The following LCTL variants were observed in gnomAD, a reference collection of about 807,000 sequenced individuals.
LCTL encodes the protein lactase like.
LCTL carries 76 observed loss-of-function variants against 75.8 expected under a neutral mutation model. That is an observed-to-expected ratio of 1.00 (90% CI 0.83 to 1.21). LCTL has a LOEUF of 1.21. LCTL is among the 50% of genes most tolerant of loss of function. The probability of loss-of-function intolerance (pLI) is 0.00; values close to 1 mark genes in which losing one functional copy is unlikely to be tolerated. For missense variants in LCTL, 670 were observed against 712.4 expected (o/e 0.94, Z 0.68); for synonymous variants, 271 against 268.8 (o/e 1.01, Z -0.08).
In LCTL at chr15:66,553,956, G is replaced by C. The variant is rs534719090; in HGVS notation, c.923-698C>G. Among the ~76,000 whole-genome samples the C allele has an allele frequency of 2.0e-5, 3 of 151,926 alleles. No individual in the cohort carries two copies. The South Asian group carries it at 6.2e-4, about 32-fold the overall frequency. On this transcript the variant is annotated intron_variant, in intron 8 of 12. Transcript: ENST00000341509. ...GGATCACTTGAGATCAGGAGTTCGC[G>C]ACCAGCCTGGCTAACATGGTGAAAC...
At chr15:66,556,884 C>T (rs965786465) in intron 8 of LCTL, among the ~76,000 whole-genome samples, 24 of 152,002 alleles carry the variant, frequency 1.6e-4, no homozygotes, top group African/African-American at 5.6e-4. Flanking sequence ...CTGAACTGTA[C>T]ACTTAAAAAT....
At chr15:66,561,405 A>G in intron 4 of LCTL, 90 bp from the exon 6 acceptor site, 1 of 1,453,356 alleles carries the variant, frequency 6.9e-7, no homozygotes, top group Non-Finnish European at 9.5e-7. Flanking sequence ...TCAGACAAAC[A>G]GGAGGGAGGC....
At chr15:66,561,960 A>G (rs1421374343) in intron 4 of LCTL, among the ~76,000 whole-genome samples, 1 of 151,756 alleles carries the variant, frequency 6.6e-6, no homozygotes, top group Non-Finnish European at 1.5e-5. Flanking sequence ...TCCCTCTCCT[A>G]CCTGCTCCCC....
chr15:66,554,298 A>AG (rs1317377293), intron 8 of LCTL, among the ~76,000 whole-genome samples: 1 of 150,350 alleles, frequency 6.7e-6, no homozygotes, highest in East Asian at 1.9e-4. Context: ...CAAAAAAAAA[A>AG]AAAAAAAAAA....
chr15:66,562,676 C>T (rs568916772), intron 4 of LCTL, among the ~76,000 whole-genome samples: 1 of 151,810 alleles, frequency 6.6e-6, no homozygotes, highest in South Asian at 2.1e-4. Context: ...TCTTTGCTTC[C>T]CGGGTTCAAG....
chr15:66,565,483 G>T lies in LCTL; in HGVS notation c.-118C>A, dbSNP rs1019519758. On this transcript the variant is annotated 5_prime_UTR_variant, in exon 1 of 13. Transcript: ENST00000341509. Reference sequence around the variant, plus strand: ...GGCCAAGTGGGGAGAGGAAGGGAAAGGAAGGCGCTTGATCTGCACCCAGCA... The same window carrying T: ...GGCCAAGTGGGGAGAGGAAGGGAAATGAAGGCGCTTGATCTGCACCCAGCA... The T allele has an allele frequency of 1.1e-5, 7 of 641,774 alleles. No homozygotes were observed. In the African/African-American group the frequency reaches 1.1e-4, roughly 10 times the overall value. 39.8% of individuals were successfully genotyped at this position (641,774 alleles called of 1,614,324 possible).
chr15:66,564,569 T>A (rs1309326726), intron 2 of LCTL, 107 bp downstream of exon 3: 2 of 1,255,782 alleles, frequency 1.6e-6, no homozygotes, highest in East Asian at 5.1e-5. Context: ...GGGGATGACA[T>A]TGTCATCAGA....
intron 4 of LCTL, among the ~76,000 whole-genome samples, chr15:66,562,078 C>A (rs995287237): frequency 6.6e-6 from 1 of 152,078 alleles, no homozygotes; most frequent in Non-Finnish European, 1.5e-5. Context: ...TCCAGGGCAC[C>A]GATGGGACCA....
chr15:66,551,552 G>T, intron 11 of LCTL, 110 bp downstream of exon 12: 1 of 824,578 alleles, frequency 1.2e-6, no homozygotes, highest in East Asian at 2.4e-5. Flanking sequence ...CGCATGCCCC[G>T]TCCTCTTTCA....
exon 7 of LCTL, chr15:66,557,983 T>C (rs770555934): frequency 1.2e-6 from 2 of 1,607,402 alleles, no homozygotes; most frequent in Non-Finnish European, 1.7e-6. Flanking sequence ...ACAGCTCACC[T>C]TGCTGCTTGC....
At position 66,565,232 on chromosome 15, in the gene LCTL, A is replaced by G. The variant is rs768734578; in HGVS notation, c.118+16T>C. The G allele has an allele frequency of 2.6e-6, 4 of 1,524,318 alleles. No homozygotes were observed. The East Asian group carries it at 9.0e-5, about 34-fold the overall frequency. The allele number at this position is 1,524,318 out of a possible 1,614,324, so 94.4% of individuals were successfully genotyped here. A position where few individuals can be genotyped will look rare whatever the true frequency, so the allele number is the denominator to read the frequency against. On this transcript the variant is annotated intron_variant, in intron 1 of 12. Coordinates refer to ENST00000341509, the Ensembl canonical transcript of LCTL. ...ACGACAGACAGGCAGACAGACGAAC[A>G]GAGGCGTGGCCGTACCAAGAGGGAA...
chr15:66,555,271 G>A (rs910936503), intron 8 of LCTL, among the ~76,000 whole-genome samples: 5 of 152,158 alleles, frequency 3.3e-5, no homozygotes, highest in East Asian at 3.9e-4. Context: ...TATAGTGACC[G>A]AAGGATTGAA....
chr15:66,549,987 G>A, intron 12 of LCTL, 54 bp downstream of exon 13: 4 of 1,195,282 alleles, frequency 3.3e-6, no homozygotes, highest in Non-Finnish European at 3.5e-6. Context: ...AAAATGATAT[G>A]TATAATTATT....
chr15:66,555,555 A>G (rs1230601647), intron 8 of LCTL, among the ~76,000 whole-genome samples: 1 of 152,124 alleles, frequency 6.6e-6, no homozygotes, highest in African/African-American at 2.4e-5. Flanking sequence ...ATAAAAAAAA[A>G]GAAAGAAAGA....
chr15:66,554,994 A>T (rs1180319685), intron 8 of LCTL, among the ~76,000 whole-genome samples: 1 of 152,220 alleles, frequency 6.6e-6, no homozygotes, highest in Non-Finnish European at 1.5e-5. Flanking sequence ...TATACAAAAA[A>T]GACTTTTAAT....
intron 11 of LCTL, among the ~76,000 whole-genome samples, chr15:66,550,331 T>A (rs1895551011): frequency 6.6e-6 from 1 of 152,356 alleles, no homozygotes. Flanking sequence ...GAGTGTACAC[T>A]CTAGTGCTTT....
intron 8 of LCTL, among the ~76,000 whole-genome samples, chr15:66,556,328 G>A (rs1343535865): frequency 6.6e-6 from 1 of 151,810 alleles, no homozygotes; most frequent in Non-Finnish European, 1.5e-5. Flanking sequence ...TTTTCGAGAT[G>A]GAGTCTCACT....
At chr15:66,562,140 C>T (rs1025284442) in intron 4 of LCTL, among the ~76,000 whole-genome samples, 2 of 152,176 alleles carry the variant, frequency 1.3e-5, no homozygotes, top group Non-Finnish European at 2.9e-5. Context: ...CAGTGGCTCA[C>T]GCCTGTAATC....
intron 11 of LCTL, among the ~76,000 whole-genome samples, chr15:66,551,185 A>G (rs1007671726): frequency 6.6e-6 from 1 of 151,664 alleles, no homozygotes; most frequent in Non-Finnish European, 1.5e-5. Flanking sequence ...CATCTCTACT[A>G]AAAATACAAA....
Sources: gnomAD v4.1 joint callset for allele counts (sites outside exome capture counted in the v4.1 genomes callset) on GRCh38, gnomAD v4.1.1 for gene constraint, MANE v1.5 for transcripts, NCBI Gene and HGNC (gene_info 2026-07-23, HGNC 2026-07-21) for gene names.